Variants in C12orf54 observed in about 807,000 individuals in gnomAD.
The protein encoded by C12orf54 is chromosome 12 open reading frame 54.
Under a neutral mutation model 26.4 loss-of-function variants are expected in C12orf54, and 24 were observed. That is an observed-to-expected ratio of 0.91 (90% CI 0.66 to 1.28). C12orf54 has a LOEUF of 1.28. Among genes scored for constraint, C12orf54 ranks in the 50% most tolerant of loss-of-function variants. The pLI is 0.00. For synonymous variants in C12orf54, 54 were observed against 47.0 expected (o/e 1.15, Z -0.61); for missense variants, 154 against 150.9 (o/e 1.02, Z -0.11).
chr12:48,479,844 T>C (rs1174774736), upstream of C12orf54, among the ~76,000 whole-genome samples: 1 of 152,178 alleles, frequency 6.6e-6, no homozygotes, highest in Non-Finnish European at 1.5e-5. Context: ...CATGTCTGTT[T>C]GTCATTGATA....
the C12orf54 span, among the ~76,000 whole-genome samples, chr12:48,464,939 G>T: frequency 5.3e-5 from 8 of 152,076 alleles, no homozygotes; most frequent in African/African-American, 1.9e-4. Context: ...AGACTTAAAT[G>T]TAAAACCCAA....
intron 7 of C12orf54, among the ~76,000 whole-genome samples, chr12:48,493,918 A>G (rs1290391251): frequency 7.6e-6 from 1 of 131,922 alleles, no homozygotes; most frequent in African/African-American, 2.9e-5. Context: ...AAGATAAATA[A>G]TGTTTAAAAA....
chr12:48,489,115 TC>T, intron 5 of C12orf54, 159 bp downstream of exon 5: 1 of 811,710 alleles, frequency 1.2e-6, no homozygotes, highest in Non-Finnish European at 2.2e-6. Flanking sequence ...GACTTGTCAG[TC>T]CAGGCGGCTA....
chr12:48,478,819 C>A (rs1158703980), upstream of C12orf54, among the ~76,000 whole-genome samples: 1 of 152,130 alleles, frequency 6.6e-6, no homozygotes, highest in Non-Finnish European at 1.5e-5. Flanking sequence ...CAATGAGATA[C>A]CATCTCACAC....
the C12orf54 span, among the ~76,000 whole-genome samples, chr12:48,415,401 C>T: frequency 7.2e-5 from 11 of 152,210 alleles, no homozygotes; most frequent in Non-Finnish European, 1.5e-4. Flanking sequence ...TGAAACTTCT[C>T]TCATCAATAT....
chr12:48,416,403 G>GC, the C12orf54 span, among the ~76,000 whole-genome samples: 2 of 152,172 alleles, frequency 1.3e-5, no homozygotes, highest in African/African-American at 4.8e-5. Flanking sequence ...CAAAGCCTCT[G>GC]CATTAGCTCT....
chr12:48,464,821 A>G, the C12orf54 span, among the ~76,000 whole-genome samples: 2 of 152,318 alleles, frequency 1.3e-5, no homozygotes, highest in Admixed American at 1.3e-4. Context: ...CAATGAGGAA[A>G]AAACTGTCTA....
At chr12:48,451,197 G>A in the C12orf54 span, among the ~76,000 whole-genome samples, 2 of 151,856 alleles carry the variant, frequency 1.3e-5, no homozygotes, top group Non-Finnish European at 2.9e-5. Flanking sequence ...ATCAGTAAAT[G>A]TGATTCATCA....
At chr12:48,492,247 G>A (rs1284720149) in intron 6 of C12orf54, among the ~76,000 whole-genome samples, 1 of 152,160 alleles carries the variant, frequency 6.6e-6, no homozygotes, top group Admixed American at 6.5e-5. Context: ...CATTCCCAGA[G>A]AAGACTCCCT....
the C12orf54 span, chr12:48,473,487 A>C: frequency 2.3e-6 from 1 of 429,078 alleles, no homozygotes; most frequent in Non-Finnish European, 4.3e-6. Context: ...CCCCACTCCA[A>C]TCCTGCCCCC....
At position 48,486,717 on chromosome 12, in the gene C12orf54, GT is replaced by G; in HGVS notation, c.127del (p.Trp43GlyfsTer5). On this transcript the variant is annotated frameshift_variant, in exon 4 of 9. Coordinates refer to ENST00000548364, the MANE Select transcript of C12orf54 (RefSeq NM_152319.4). LOFTEE classifies it high-confidence loss of function. ...AACAGGTAACCATCACTGAAACCCTGTGGGACCAGGTGAGTACAGAGGAATC... is the reference window on the plus strand; with the variant it reads ...AACAGGTAACCATCACTGAAACCCTGGGGACCAGGTGAGTACAGAGGAATC... ...EKQVTITETL[W>X]DQVLTVFKDI... 1 of 1,613,222 alleles carries G rather than the reference GT, an allele frequency of 6.2e-7. No individual in the cohort carries two copies. Among genetic ancestry groups the G allele is most frequent in the Non-Finnish European group, 8.5e-7 (1 of 1,179,186 alleles).
the C12orf54 span, chr12:48,473,065 A>G: frequency 6.2e-7 from 1 of 1,614,062 alleles, no homozygotes. Flanking sequence ...TACTGAGAAA[A>G]GATGTTCAAG....
At chr12:48,473,959 C>T in the C12orf54 span, among the ~76,000 whole-genome samples, 1 of 152,190 alleles carries the variant, frequency 6.6e-6, no homozygotes, top group Non-Finnish European at 1.5e-5. Flanking sequence ...CATCTCTCAT[C>T]CCTTTTCCCC....
At chr12:48,465,714 C>T in the C12orf54 span, among the ~76,000 whole-genome samples, 1 of 152,022 alleles carries the variant, frequency 6.6e-6, no homozygotes, top group African/African-American at 2.4e-5. Context: ...ACATACACAC[C>T]ATGATACTAT....
chr12:48,468,862 A>C, the C12orf54 span, among the ~76,000 whole-genome samples: 1 of 152,292 alleles, frequency 6.6e-6, no homozygotes, highest in African/African-American at 2.4e-5. Context: ...GAAAGAGTAC[A>C]AAAGAAAGAA....
chr12:48,486,751 A>G, intron 4 of C12orf54, 25 bp downstream of exon 4: 1 of 1,605,974 alleles, frequency 6.2e-7, no homozygotes, highest in Non-Finnish European at 8.5e-7. Context: ...ATCATTTTTG[A>G]CAGCATGGCA....
At chr12:48,480,104 A>G (rs1274714546), upstream of C12orf54, among the ~76,000 whole-genome samples, 1 of 152,226 alleles carries the variant, frequency 6.6e-6, no homozygotes, top group African/African-American at 2.4e-5. Flanking sequence ...AAAGTTATAA[A>G]GTTACCAAAA....
the C12orf54 span, among the ~76,000 whole-genome samples, chr12:48,453,580 C>T: frequency 3.8e-4 from 28 of 74,146 alleles, 1 homozygote; most frequent in South Asian, 3.4e-3. Context: ...TACACATATA[C>T]ACATATATAT....
chr12:48,442,187 A>C, the C12orf54 span: 6 of 184,062 alleles, frequency 3.3e-5, no homozygotes, highest in Non-Finnish European at 7.2e-5. Flanking sequence ...ATAGCGGAGT[A>C]ATCCGGAGCC....
Sources: allele counts gnomAD v4.1 joint callset (sites outside exome capture counted in the v4.1 genomes callset), GRCh38; gene constraint gnomAD v4.1.1; transcripts MANE v1.5; gene names NCBI Gene and HGNC (gene_info 2026-07-23, HGNC 2026-07-21).